Variants in PHKA2 observed in about 807,000 individuals in gnomAD.
PHKA2 encodes phosphorylase kinase regulatory subunit alpha 2.
A neutral mutation model predicts 102.0 loss-of-function variants in PHKA2; 31 were observed. The ratio of observed to expected loss-of-function variants is 0.30; its 90% CI spans 0.23 to 0.41. The LOEUF is 0.41. Among genes scored for constraint, PHKA2 ranks in the 10% least tolerant of loss-of-function variants. The pLI is 1.00. For missense variants in PHKA2, 858 were observed against 1,023.1 expected, an observed-to-expected ratio of 0.84 and a Z score of 2.20; for synonymous variants, 455 against 416.2, an observed-to-expected ratio of 1.09 and a Z score of -1.13.
chrX:18,966,979 C>T lies in PHKA2; in HGVS notation c.79-12567G>A, dbSNP rs754594877. Among the ~76,000 whole-genome samples the T allele has an allele frequency of 5.4e-5, 6 of 111,237 alleles. No homozygotes were observed. The East Asian group carries it at 1.7e-3, about 32-fold the overall frequency. On this transcript the variant is annotated intron_variant, in intron 1 of 32. Coordinates refer to ENST00000379942, the MANE Select transcript of PHKA2 (RefSeq NM_000292.3). ...GGTGGTGGTGACAGAGGAACAGAGG[C>T]AGCAGGTGGGCTTGAGGAATGTTTA...
chrX:18,912,456 T>C (rs923112489), intron 19 of PHKA2, among the ~76,000 whole-genome samples: 7 of 110,809 alleles, frequency 6.3e-5, no homozygotes, highest in African/African-American at 2.3e-4. Context: ...TGTCTAAACA[T>C]AGAAAAGGTA....
chrX:18,951,128 A>T lies in PHKA2; in HGVS notation c.430T>A (p.Phe144Ile). Residue 144 changes from phenylalanine to isoleucine, a missense_variant, in exon 4 of 33, where the codon TTC becomes ATC. Phe to Ile is a conservative substitution (Grantham distance 21). This residue lies in a region of PHKA2 where 187 missense variants were observed against 277.9 expected (regional missense o/e 0.67). Coordinates refer to ENST00000379942, the MANE Select transcript of PHKA2 (RefSeq NM_000292.3). ...QVDATSLFLL[F>I]LAQMTASGLR... ...CCTGAGGCGGTCATCTGGGCCAGGAACAGGAGGAAGAGAGAGGTGGCATCC... is the reference window on the plus strand; with the variant it reads ...CCTGAGGCGGTCATCTGGGCCAGGATCAGGAGGAAGAGAGAGGTGGCATCC... 5.8e-6 allele frequency: 7 copies of T among 1,211,737 alleles called. No individual in the cohort carries two copies. Among genetic ancestry groups the T allele is most frequent in the Non-Finnish European group, 7.8e-6 (7 of 895,390 alleles).
At chrX:18,962,230 G>A (rs996340695) in intron 1 of PHKA2, among the ~76,000 whole-genome samples, 1 of 111,583 alleles carries the variant, frequency 9.0e-6, no homozygotes, top group Non-Finnish European at 1.9e-5. Context: ...AGGCAGAGAT[G>A]TTGAAATAGT....
chrX:18,951,249 T>C lies in PHKA2; in HGVS notation c.309A>G (p.Lys103=). 1.7e-6 allele frequency: 2 copies of C among 1,211,659 alleles called. No homozygotes were observed. The highest frequency in any genetic ancestry group is 2.2e-6 in the Non-Finnish European group (2 of 895,341). ...GGCTGTCCTTGGTGCTCTGAGTGTGTTTGAACTTCTCCACTTTGGCCACCT... is the reference window on the plus strand; with the variant it reads ...GGCTGTCCTTGGTGCTCTGAGTGTGCTTGAACTTCTCCACTTTGGCCACCT... ...MRQVAKVEKF[K]HTQSTKDSLH... is the part of the protein sequence containing the mutation. Residue 103 remains lysine (K), a synonymous_variant, in exon 4 of 33, where the codon AAA becomes AAG. Coordinates refer to ENST00000379942, the MANE Select transcript of PHKA2 (RefSeq NM_000292.3).
intron 1 of PHKA2, among the ~76,000 whole-genome samples, chrX:18,954,778 C>A (rs968098490): frequency 8.9e-6 from 1 of 112,630 alleles, no homozygotes; most frequent in Non-Finnish European, 1.9e-5. Context: ...CTTAGGTCTT[C>A]TTCAGTCTTC....
At chrX:18,943,872 C>T in intron 6 of PHKA2, 64 bp from the exon 7 acceptor site, 1 of 799,083 alleles carries the variant, frequency 1.3e-6, no homozygotes, top group South Asian at 2.1e-5. Flanking sequence ...ATCTGGTGTT[C>T]CTTTTTCATT....
chrX:18,948,240 G>C (rs773081137), intron 5 of PHKA2, among the ~76,000 whole-genome samples: 1 of 112,238 alleles, frequency 8.9e-6, no homozygotes, highest in African/African-American at 3.2e-5. Flanking sequence ...TTGGGAGGCC[G>C]AGGCAGGAGG....
In PHKA2 at chrX:18,892,387, G is replaced by A. The variant is rs1043387253; in HGVS notation, c.*1098C>T. 8 of 112,645 alleles carry A rather than the reference G, an allele frequency of 7.1e-5. No individual in the cohort carries two copies. The highest frequency in any genetic ancestry group is 1.9e-4 in the African/African-American group (6 of 30,979). 9.3% of individuals were successfully genotyped at this position (112,645 alleles called of 1,213,427 possible). On this transcript the variant is annotated 3_prime_UTR_variant, in exon 33 of 33. Coordinates refer to ENST00000379942, the MANE Select transcript of PHKA2 (RefSeq NM_000292.3). ...CCCCCAAGGTAAGACAATGCCCGGA[G>A]AGAAACTCCATTGCTAGGGCATTGG...
Position 18,984,064 on chromosome X carries a change from G to A in PHKA2, c.-132C>T. ...CGGTTCTTGGGATGGGACCGGGCCG[G>A]AGGAGGTCGAGACTTTTCTAAACGC... is the stretch of plus-strand genomic sequence containing the variant. On this transcript the variant is annotated 5_prime_UTR_variant, in exon 1 of 33. Transcript: ENST00000379942. The A allele has an allele frequency of 1.9e-6, 1 of 537,577 alleles. No homozygotes were observed. 44.3% of individuals were successfully genotyped at this position (537,577 alleles called of 1,213,427 possible).
chrX:18,971,478 TA>T (rs1268862771), intron 1 of PHKA2, among the ~76,000 whole-genome samples: 10 of 112,355 alleles, frequency 8.9e-5, no homozygotes, highest in South Asian at 3.7e-4. Context: ...GGATTTAAAA[TA>T]TTTTTTTGGT....
In PHKA2 at chrX:18,894,364, G is replaced by A; in HGVS notation, c.3377C>T (p.Ser1126Leu). 1 of 1,211,676 alleles carries A rather than the reference G, an allele frequency of 8.3e-7. No homozygotes were observed. The highest frequency in any genetic ancestry group is 1.1e-6 in the Non-Finnish European group (1 of 895,387). ...GGGCTGCGGCACGCGGTTCAGCACC[G>A]ATTCGACATGGACAGCAAACTTGAT... ...HEIKFAVHVESVLNRVPQPEY... is the reference protein window; with the variant it reads ...HEIKFAVHVELVLNRVPQPEY... Residue 1126 changes from serine to leucine, a missense_variant, in exon 32 of 33, where the codon TCG (serine) becomes TTG (leucine). This residue lies in a region of PHKA2 where 671 missense variants were observed against 745.2 expected (regional missense o/e 0.90). Coordinates refer to ENST00000379942, the MANE Select transcript of PHKA2 (RefSeq NM_000292.3).
chrX:18,935,608 C>CT (rs530662548), intron 11 of PHKA2, among the ~76,000 whole-genome samples: 155 of 101,100 alleles, frequency 1.5e-3, no homozygotes, highest in South Asian at 2.2e-3. Context: ...CTACCTAAGG[C>CT]TTTTTTTTTT....
intron 1 of PHKA2, among the ~76,000 whole-genome samples, chrX:18,956,261 T>C (rs1428276470): frequency 1.8e-5 from 2 of 111,769 alleles, no homozygotes; most frequent in African/African-American, 6.5e-5. Flanking sequence ...GAGGCAGAGA[T>C]TGCAGTGAGC....
chrX:18,913,205 T>TGTGAA (rs1472121831), intron 19 of PHKA2, among the ~76,000 whole-genome samples: 6 of 111,171 alleles, frequency 5.4e-5, no homozygotes, highest in Non-Finnish European at 1.1e-4. Flanking sequence ...GGTGAGTGAA[T>TGTGAA]GTGAAGGCCT....
In PHKA2 at chrX:18,916,329, C is replaced by T. The variant is rs538872117; in HGVS notation, c.2137+2352G>A. On this transcript the variant is annotated intron_variant, in intron 19 of 32. Coordinates refer to ENST00000379942, the MANE Select transcript of PHKA2 (RefSeq NM_000292.3). Reference sequence around the variant, plus strand: ...ACTTGGGAGGCTGAGGCAGGAGAATCGCTTGAACCCAGGAGGCTCGCTTGA... The same window carrying T: ...ACTTGGGAGGCTGAGGCAGGAGAATTGCTTGAACCCAGGAGGCTCGCTTGA... Among the ~76,000 whole-genome samples, 24 of 111,572 alleles carry T rather than the reference C, an allele frequency of 2.2e-4. No homozygotes were observed. The East Asian group carries it at 5.9e-3, about 28-fold the overall frequency.
At chrX:18,928,143 C>T (rs1363723404) in intron 13 of PHKA2, among the ~76,000 whole-genome samples, 2 of 112,358 alleles carry the variant, frequency 1.8e-5, no homozygotes, top group East Asian at 5.6e-4. Flanking sequence ...CCAGCTGGAT[C>T]AGTCCACCTG....
At chrX:18,944,257 G>T (rs1227206462) in intron 6 of PHKA2, among the ~76,000 whole-genome samples, 1 of 112,390 alleles carries the variant, frequency 8.9e-6, no homozygotes, top group African/African-American at 3.2e-5. Flanking sequence ...AACGTTGTGT[G>T]TGTGTGTGTG....
intron 2 of PHKA2, 109 bp from the exon 3 acceptor site, chrX:18,952,650 G>T: frequency 1.4e-6 from 1 of 694,702 alleles, no homozygotes; most frequent in Non-Finnish European, 2.3e-6. Flanking sequence ...AACTGCCCTG[G>T]AAAGGCCAGT....
intron 18 of PHKA2, among the ~76,000 whole-genome samples, chrX:18,919,730 A>G (rs1462363415): frequency 1.0e-5 from 1 of 97,538 alleles, no homozygotes; most frequent in Non-Finnish European, 2.0e-5. Context: ...AACAACAACA[A>G]AAAAAAAAAA....
Sources: gnomAD v4.1 joint callset for allele counts (sites outside exome capture counted in the v4.1 genomes callset) on GRCh38, gnomAD v4.1.1 for gene constraint, gnomAD v4.1.1 regional missense constraint, MANE v1.5 for transcripts, NCBI Gene and HGNC (gene_info 2026-07-23, HGNC 2026-07-21) for gene names.